TFEC: variants seen among roughly 807,000 people sequenced by gnomAD.
TFEC encodes the protein class E basic helix-loop-helix protein 34.
Under a neutral mutation model 41.6 loss-of-function variants are expected in TFEC, and 31 were observed. That is an observed-to-expected ratio of 0.74 (90% confidence interval 0.56 to 1.01). The LOEUF is 1.01. Among genes scored for constraint, TFEC ranks in the 50% least tolerant of loss-of-function variants. The pLI, the probability that TFEC is intolerant of heterozygous loss-of-function variation, is 0.00. For missense variants in TFEC, 402 were observed against 404.1 expected, an observed-to-expected ratio of 0.99 and a Z score of 0.04; for synonymous variants, 143 against 140.6, an observed-to-expected ratio of 1.02 and a Z score of -0.12.
intron 1 of TFEC, among the ~76,000 whole-genome samples, chr7:116,120,934 CCCTA>C (rs1418848657): frequency 1.3e-5 from 2 of 151,904 alleles, no homozygotes; most frequent in Non-Finnish European, 2.9e-5. Flanking sequence ...CTATAAAAAA[CCCTA>C]CCTAATAACT....
At chr7:115,941,652 C>CACATATATGTGTATATACATATAT (rs1793507157) in intron 7 of TFEC, 3 of 487,100 alleles carry the variant, frequency 6.2e-6, no homozygotes, top group African/African-American at 1.9e-5. Context: ...CACATATATA[C>CACATATATGTGTATATACATATAT]ACATATATGT....
chr7:115,969,202 G>C (rs763013286), intron 3 of TFEC, among the ~76,000 whole-genome samples: 7 of 151,820 alleles, frequency 4.6e-5, no homozygotes, highest in South Asian at 2.1e-4. Context: ...AACAAAACAG[G>C]CTACTGTTTT....
Position 116,030,637 on chromosome 7 carries a change from A to G in TFEC, c.-77T>C. The G allele has an allele frequency of 1.0e-6, 1 of 985,412 alleles. No homozygotes were observed. Among genetic ancestry groups the G allele is most frequent in the Non-Finnish European group, 1.2e-6 (1 of 829,936 alleles). 61.0% of individuals were successfully genotyped at this position (985,412 alleles called of 1,614,324 possible). ...CCTGCCGGTTTAGTTACCTACCAGC[A>G]ATGAGTGGATTTTATCAGTGTTGTC... On this transcript the variant is annotated 5_prime_UTR_variant, in exon 1 of 8. Transcript: ENST00000265440.
Position 116,009,505 on chromosome 7 carries a change from C to T in TFEC, c.-73+21128G>A, listed in dbSNP as rs1401465744. ...CTACTACATATCATGTTTCATATTACTGCAATGGACTCTGGAGATATAATG... is the reference window on the plus strand; with the variant it reads ...CTACTACATATCATGTTTCATATTATTGCAATGGACTCTGGAGATATAATG... On this transcript the variant is annotated intron_variant, in intron 1 of 7. Coordinates refer to ENST00000265440, the MANE Select transcript of TFEC (RefSeq NM_012252.4). Among the ~76,000 whole-genome samples the T allele has an allele frequency of 2.0e-5, 3 of 152,076 alleles. 1 individual carries two copies.
At chr7:115,999,801 C>T (rs1372193533) in intron 1 of TFEC, among the ~76,000 whole-genome samples, 2 of 95,682 alleles carry the variant, frequency 2.1e-5, no homozygotes, top group African/African-American at 8.3e-5. Context: ...AAAATCTGAA[C>T]AAATAATAAG....
At chr7:115,974,737 G>C (rs1196144410) in intron 2 of TFEC, among the ~76,000 whole-genome samples, 1 of 151,364 alleles carries the variant, frequency 6.6e-6, no homozygotes, top group African/African-American at 2.4e-5. Flanking sequence ...AAATATTCAT[G>C]GTTAAATATT....
chr7:115,975,983 G>T (rs921844725), intron 2 of TFEC, among the ~76,000 whole-genome samples: 6 of 152,118 alleles, frequency 3.9e-5, no homozygotes, highest in African/African-American at 1.4e-4. Context: ...AGAAATTTCT[G>T]CAATGATGGG....
chr7:115,980,539 C>A (rs1793579197), intron 2 of TFEC, among the ~76,000 whole-genome samples: 1 of 152,168 alleles, frequency 6.6e-6, no homozygotes, highest in African/African-American at 2.4e-5. Flanking sequence ...CACTTGAGGT[C>A]AGGAGTTCAA....
chr7:116,154,967 C>T (rs940807048), intron 1 of TFEC, among the ~76,000 whole-genome samples: 1 of 152,184 alleles, frequency 6.6e-6, no homozygotes, highest in African/African-American at 2.4e-5. Context: ...CTATCCCTTG[C>T]CAAATTTTCC....
At chr7:115,946,025 A>G (rs926739750) in intron 6 of TFEC, among the ~76,000 whole-genome samples, 30 of 151,816 alleles carry the variant, frequency 2.0e-4, no homozygotes, top group Non-Finnish European at 4.1e-4. Flanking sequence ...ATGAATTAGA[A>G]CTAGAAAGGA....
chr7:115,942,627 A>C (rs981140472), intron 6 of TFEC, among the ~76,000 whole-genome samples: 1 of 152,032 alleles, frequency 6.6e-6, no homozygotes, highest in African/African-American at 2.4e-5. Context: ...TTTCTATACA[A>C]ACATCATCAA....
chr7:116,051,116 G>A (rs1796300588), intron 3 of TFEC, among the ~76,000 whole-genome samples: 1 of 152,122 alleles, frequency 6.6e-6, no homozygotes, highest in Admixed American at 6.5e-5. Flanking sequence ...TTGGATGCAG[G>A]GTGGGGAACA....
chr7:115,947,897 G>A (rs375518097), intron 6 of TFEC, among the ~76,000 whole-genome samples: 1 of 151,704 alleles, frequency 6.6e-6, no homozygotes, highest in Admixed American at 6.6e-5. Context: ...CAAAAAATTA[G>A]TGAATCCAGG....
intron 1 of TFEC, among the ~76,000 whole-genome samples, chr7:116,002,540 G>C (rs572590748): frequency 6.6e-6 from 1 of 152,216 alleles, no homozygotes; most frequent in South Asian, 2.1e-4. Flanking sequence ...AAGAGTAGTG[G>C]GGGTACTGGA....
At chr7:115,975,077 T>TA (rs1562904259) in intron 2 of TFEC, among the ~76,000 whole-genome samples, 1 of 152,084 alleles carries the variant, frequency 6.6e-6, no homozygotes. Flanking sequence ...ACTGACATCC[T>TA]AGAAATTTGG....
chr7:115,953,708 A>G (rs2402016), intron 5 of TFEC, among the ~76,000 whole-genome samples: 129,236 of 151,942 alleles, frequency 0.85, 55,097 homozygotes, highest in Non-Finnish European at 0.89. Context: ...ATCATTTCTC[A>G]GAGGACTGTT....
intron 3 of TFEC, among the ~76,000 whole-genome samples, chr7:116,044,763 T>C (rs1317135421): frequency 2.6e-5 from 4 of 152,228 alleles, no homozygotes; most frequent in African/African-American, 4.8e-5. Context: ...TTTCTCAGGC[T>C]GGGAGGCATA....
At chr7:115,963,634 T>C (rs1026631159) in intron 3 of TFEC, among the ~76,000 whole-genome samples, 2 of 151,666 alleles carry the variant, frequency 1.3e-5, no homozygotes, top group African/African-American at 2.4e-5. Context: ...CTTGAAAAAA[T>C]TATGCTAAGT....
exon 3 of TFEC, chr7:116,110,709 C>A: frequency 6.7e-7 from 1 of 1,501,062 alleles, no homozygotes; most frequent in African/African-American, 1.4e-5. Flanking sequence ...GATACATACC[C>A]TGGTAAAGGA....
Sources: allele counts gnomAD v4.1 joint callset (sites outside exome capture counted in the v4.1 genomes callset), GRCh38; gene constraint gnomAD v4.1.1; transcripts MANE v1.5; gene names NCBI Gene and HGNC (gene_info 2026-07-23, HGNC 2026-07-21).